Variants in TNFRSF11B observed in about 807,000 individuals in gnomAD.
TNFRSF11B encodes tumor necrosis factor receptor superfamily member 11B.
In TNFRSF11B, 16 loss-of-function variants were observed where a neutral mutation model predicts 43.4. The ratio of observed to expected loss-of-function variants is 0.37; its 90% confidence interval spans 0.25 to 0.56. The LOEUF is 0.56. TNFRSF11B is among the 20% of genes least tolerant of loss of function. The pLI, the probability that TNFRSF11B is intolerant of heterozygous loss-of-function variation, is 0.80. For missense variants in TNFRSF11B, 444 were observed against 490.1 expected (o/e 0.91, Z 0.89); for synonymous variants, 185 against 181.8 (o/e 1.02, Z -0.14).
At chr8:118,933,610 G>T (rs763518475) in intron 1 of TNFRSF11B, among the ~76,000 whole-genome samples, 13 of 152,202 alleles carry the variant, frequency 8.5e-5, no homozygotes, top group Admixed American at 8.5e-4. Context: ...ACACTTTGTC[G>T]TCTTGGGTTG....
chr8:118,946,641 C>T (rs1413817585), intron 1 of TNFRSF11B, among the ~76,000 whole-genome samples: 1 of 151,992 alleles, frequency 6.6e-6, no homozygotes, highest in African/African-American at 2.4e-5. Flanking sequence ...TTCATATTTG[C>T]ATTTTGTTTA....
At chr8:118,951,756 G>T in intron 1 of TNFRSF11B, 36 bp downstream of exon 1, 1 of 1,572,402 alleles carries the variant, frequency 6.4e-7, no homozygotes, top group East Asian at 2.4e-5. Flanking sequence ...AGCCTCCCCA[G>T]GCGCCGGGCA....
At chr8:118,948,278 C>CTT (rs561133109) in intron 1 of TNFRSF11B, among the ~76,000 whole-genome samples, 1 of 149,772 alleles carries the variant, frequency 6.7e-6, no homozygotes, top group Non-Finnish European at 1.5e-5. Flanking sequence ...ATTCCCCAGC[C>CTT]TTTTTTTTTT....
chr8:118,939,847 G>A (rs1812455544), intron 1 of TNFRSF11B, among the ~76,000 whole-genome samples: 1 of 152,150 alleles, frequency 6.6e-6, no homozygotes, highest in Non-Finnish European at 1.5e-5. Context: ...AAGAAATTGT[G>A]TACAAGCCAA....
rs1170362702 is a variant in TNFRSF11B at position 118,925,787 on chromosome 8, G to A, written c.817+707C>T. ...GTCAGAACTCTTTCCATCATGTGTC[G>A]TAAAGCTTACAGTCCACACTGGATG... On this transcript the variant is annotated intron_variant, in intron 4 of 4. Coordinates refer to ENST00000297350, the MANE Select transcript of TNFRSF11B (RefSeq NM_002546.4). Among the ~76,000 whole-genome samples the A allele has an allele frequency of 5.3e-5, 8 of 152,110 alleles. No homozygotes were observed. The South Asian group carries it at 6.2e-4, about 12-fold the overall frequency.
In TNFRSF11B at chr8:118,924,103, T is replaced by A. The variant is rs1033890484; in HGVS notation, c.*271A>T. 13 of 317,338 alleles carry A rather than the reference T, an allele frequency of 4.1e-5. No homozygotes were observed. The highest frequency in any genetic ancestry group is 3.5e-4 in the East Asian group (6 of 16,972). 19.7% of individuals were successfully genotyped at this position (317,338 alleles called of 1,614,324 possible). ...ACAATGGAGTCTAGTTTTTTTTTTT[T>A]AATTTCCAGTTGAATTACTGCAAGC... On this transcript the variant is annotated 3_prime_UTR_variant, in exon 5 of 5. Coordinates refer to ENST00000297350, the MANE Select transcript of TNFRSF11B (RefSeq NM_002546.4).
rs79627913 is a variant in TNFRSF11B, at chr8:118,933,985, C to T, written c.31-685G>A. ...AAAAATAATACATTATAATAAACTA[C>T]GCAAGTATTGTTTTAAAAAAGGAGA... is the stretch of plus-strand genomic sequence containing the variant. On this transcript the variant is annotated intron_variant, in intron 1 of 4. Transcript: ENST00000297350. Among the ~76,000 whole-genome samples the T allele has an allele frequency of 3.1e-3, 467 of 152,048 alleles. 16 individuals carry two copies. Among genetic ancestry groups the T allele is most frequent in the East Asian group, 6.8e-3 (35 of 5,182 alleles).
chr8:118,924,274 T>G lies in TNFRSF11B; in HGVS notation c.*100A>C. 64 of 1,407,768 alleles carry G rather than the reference T, an allele frequency of 4.5e-5. No homozygotes were observed. The highest frequency in any genetic ancestry group is 4.8e-5 in the Non-Finnish European group (48 of 1,002,432). 87.2% of individuals were successfully genotyped at this position (1,407,768 alleles called of 1,614,324 possible). A position where few individuals can be genotyped will look rare whatever the true frequency, so the allele number is the denominator to read the frequency against. On this transcript the variant is annotated 3_prime_UTR_variant, in exon 5 of 5. Transcript: ENST00000297350. ...CTGTGGCAAAATTAGTCACTGGTAATGAGAAAGATATCACTGAAAGCCTCA... is the reference window on the plus strand; with the variant it reads ...CTGTGGCAAAATTAGTCACTGGTAAGGAGAAAGATATCACTGAAAGCCTCA...
intron 4 of TNFRSF11B, among the ~76,000 whole-genome samples, chr8:118,925,614 A>T (rs536500230): frequency 6.6e-6 from 1 of 152,354 alleles, no homozygotes; most frequent in African/African-American, 2.4e-5. Flanking sequence ...CCCCGGTTTC[A>T]GATACTTGAA....
At chr8:118,935,030 A>G (rs964794774) in intron 1 of TNFRSF11B, among the ~76,000 whole-genome samples, 1 of 152,196 alleles carries the variant, frequency 6.6e-6, no homozygotes, top group Non-Finnish European at 1.5e-5. Context: ...CCGGTCATTG[A>G]CCTCTTCACA....
At position 118,926,501 on chromosome 8, in the gene TNFRSF11B, G is replaced by A. The variant is rs1812247061; in HGVS notation, c.810C>T (p.Ile270=). ...QNKDQDIVKK[I]IQDIDLCENS... is the part of the protein sequence containing the mutation. The stretch of plus-strand genomic sequence containing the variant: ...TATTTTAGATTATCATACCTTGGAT[G>A]ATCTTCTTGACTATATCTTGGTCTT... Residue 270 remains isoleucine, a synonymous_variant, in exon 4 of 5, where the codon ATC becomes ATT. Coordinates refer to ENST00000297350, the MANE Select transcript of TNFRSF11B (RefSeq NM_002546.4). 1 of 1,612,156 alleles carries A rather than the reference G, an allele frequency of 6.2e-7. No individual in the cohort carries two copies. Among genetic ancestry groups the A allele is most frequent in the Non-Finnish European group, 8.5e-7 (1 of 1,178,408 alleles).
At chr8:118,950,833 C>T (rs1268973536) in intron 1 of TNFRSF11B, among the ~76,000 whole-genome samples, 1 of 152,052 alleles carries the variant, frequency 6.6e-6, no homozygotes. Context: ...ACTACCTAGC[C>T]TTCTATTCAT....
chr8:118,932,647 T>C (rs1455788393), intron 2 of TNFRSF11B, among the ~76,000 whole-genome samples: 1 of 134,246 alleles, frequency 7.4e-6, no homozygotes, highest in Non-Finnish European at 1.5e-5. Context: ...TAGTGCAACT[T>C]GAGTTTGTTT....
At chr8:118,938,721 C>A (rs1812438066) in intron 1 of TNFRSF11B, among the ~76,000 whole-genome samples, 1 of 152,174 alleles carries the variant, frequency 6.6e-6, no homozygotes, top group Non-Finnish European at 1.5e-5. Context: ...CTAAGACTAG[C>A]TTTTGTCCAA....
At chr8:118,939,779 C>T (rs936576487) in intron 1 of TNFRSF11B, among the ~76,000 whole-genome samples, 16 of 152,078 alleles carry the variant, frequency 1.1e-4, no homozygotes, top group Non-Finnish European at 1.3e-4. Flanking sequence ...ACACAGCTTT[C>T]GTGGTTATGA....
intron 1 of TNFRSF11B, among the ~76,000 whole-genome samples, chr8:118,951,175 A>G (rs1812638576): frequency 6.6e-6 from 1 of 152,220 alleles, no homozygotes; most frequent in African/African-American, 2.4e-5. Flanking sequence ...TACTGCCAAT[A>G]TTCTCCACAG....
At chr8:118,934,108 T>C (rs1399489669) in intron 1 of TNFRSF11B, among the ~76,000 whole-genome samples, 1 of 152,228 alleles carries the variant, frequency 6.6e-6, no homozygotes, top group African/African-American at 2.4e-5. Context: ...GATACCTCTT[T>C]CAGTTTTCCT....
chr8:118,935,168 C>CTAGT (rs1465988366), intron 1 of TNFRSF11B, among the ~76,000 whole-genome samples: 1 of 152,146 alleles, frequency 6.6e-6, no homozygotes, highest in African/African-American at 2.4e-5. Flanking sequence ...CTGAGAGTTT[C>CTAGT]TAGTGAAAGC....
At chr8:118,929,950 A>C (rs1812303505) in intron 2 of TNFRSF11B, among the ~76,000 whole-genome samples, 1 of 152,170 alleles carries the variant, frequency 6.6e-6, no homozygotes, top group African/African-American at 2.4e-5. Flanking sequence ...CTCCTACCTC[A>C]TTGTATCTTT....
Sources: allele counts gnomAD v4.1 joint callset (sites outside exome capture counted in the v4.1 genomes callset), GRCh38; gene constraint gnomAD v4.1.1; transcripts MANE v1.5; gene names NCBI Gene and HGNC (gene_info 2026-07-23, HGNC 2026-07-21).